NPTXR: variants seen among roughly 807,000 people sequenced by gnomAD.
The protein encoded by NPTXR is neuronal pentraxin receptor.
NPTXR carries 12 observed loss-of-function variants against 32.2 expected under a neutral mutation model. The observed-to-expected ratio is 0.37, with a 90% confidence interval of 0.24 to 0.60. NPTXR has a LOEUF of 0.60. Ranked by LOEUF, NPTXR falls within the 20% of genes least tolerant of loss-of-function variation. NPTXR has a pLI of 0.66. For missense variants in NPTXR, 612 were observed against 682.9 expected, an observed-to-expected ratio of 0.90 and a Z score of 1.16; for synonymous variants, 323 against 315.8, an observed-to-expected ratio of 1.02 and a Z score of -0.24.
At position 38,821,689 on chromosome 22, in the gene NPTXR, ACC is replaced by A. The variant is rs2093097370; in HGVS notation, c.*918_*919del. The A allele has an allele frequency of 6.5e-6, 1 of 152,788 alleles. No homozygotes were observed. The highest frequency in any genetic ancestry group is 2.4e-5 in the African/African-American group (1 of 41,396). The allele number at this position is 152,788 out of a possible 1,614,324, so 9.5% of individuals were successfully genotyped here. The stretch of plus-strand genomic sequence containing the variant: ...TGCTCACTGCTTCATGCTTCTCCCC[ACC>A]CTCTGAGCTTCTTCCTTGCTGCCCC... On this transcript the variant is annotated 3_prime_UTR_variant, in exon 5 of 5. Coordinates refer to ENST00000333039, the MANE Select transcript of NPTXR (RefSeq NM_014293.4).
At chr22:38,822,956 C>A in intron 4 of NPTXR, 123 bp from the exon 5 acceptor site, 2 of 1,437,340 alleles carry the variant, frequency 1.4e-6, no homozygotes, top group Non-Finnish European at 1.9e-6. Flanking sequence ...ACTGAAGCCC[C>A]ACCGCCAACG....
chr22:38,834,089 G>A lies in NPTXR; in HGVS notation c.625-5577C>T, dbSNP rs960358573. 1.4e-5 allele frequency among the ~76,000 whole-genome samples: 2 copies of A among 140,496 alleles called. No homozygotes were observed. The highest frequency in any genetic ancestry group is 3.1e-5 in the Non-Finnish European group (2 of 65,220). 92.2% of individuals were successfully genotyped at this position (140,496 alleles called of 152,430 possible). On this transcript the variant is annotated intron_variant, in intron 1 of 4. Coordinates refer to ENST00000333039, the MANE Select transcript of NPTXR (RefSeq NM_014293.4). The surrounding 1 kb of genome is among the most constrained non-coding windows in gnomAD (Gnocchi z 4.4). ...TGAATCTAACCCTGCTTCTTACCCA[G>A]AGCTTCATGAAGTGGTGTCTCTAAT...
At chr22:38,835,016 C>T (rs923264394) in intron 1 of NPTXR, among the ~76,000 whole-genome samples, 9 of 152,216 alleles carry the variant, frequency 5.9e-5, no homozygotes, top group Non-Finnish European at 1.3e-4. Flanking sequence ...CTGAAACTTT[C>T]TGAGCCTCAG....
intron 1 of NPTXR, among the ~76,000 whole-genome samples, chr22:38,830,077 G>A (rs2093113801): frequency 6.6e-6 from 1 of 152,202 alleles, no homozygotes; most frequent in Non-Finnish European, 1.5e-5. Flanking sequence ...AGTGCTGGGG[G>A]CAAAGGACCA....
Position 38,822,789 on chromosome 22 carries a change from AC to A in NPTXR, c.1322del (p.Gly441ValfsTer13). ...CCCACAGGTTAAACTGGGCAATGTC[AC>A]CGACAAAGGCCTGGGTGGCATCAAA... is the stretch of plus-strand genomic sequence containing the variant. On this transcript the variant is annotated frameshift_variant, in exon 5 of 5. Coordinates refer to ENST00000333039, the MANE Select transcript of NPTXR (RefSeq NM_014293.4). LOFTEE classifies it low-confidence loss of function (END_TRUNC). The A allele has an allele frequency of 6.2e-7, 1 of 1,614,156 alleles. No homozygotes were observed. The highest frequency in any genetic ancestry group is 8.5e-7 in the Non-Finnish European group (1 of 1,180,012).
rs1055016208 is a variant in NPTXR at position 38,822,420 on chromosome 22, G to A, written c.*189C>T. The A allele has an allele frequency of 1.7e-5, 10 of 603,186 alleles. No individual in the cohort carries two copies. The highest frequency in any genetic ancestry group is 1.3e-4 in the African/African-American group (7 of 54,058). 37.4% of individuals were successfully genotyped at this position (603,186 alleles called of 1,614,324 possible). A position where few individuals can be genotyped will look rare whatever the true frequency, so the allele number is the denominator to read the frequency against. ...TTGAGACGCTCCTCCCCACTCAGGTGGGGACAGGGGACACACTCGCAGGGC... is the reference window on the plus strand; with the variant it reads ...TTGAGACGCTCCTCCCCACTCAGGTAGGGACAGGGGACACACTCGCAGGGC... On this transcript the variant is annotated 3_prime_UTR_variant, in exon 5 of 5. Transcript: ENST00000333039.
rs1291434740 is a variant in NPTXR, at chr22:38,823,125, G to T, written c.1236C>A (p.His412Gln). The change falls in exon 4 of 5, where the codon CAC becomes CAA. Residue 412 changes from histidine (H) to glutamine (Q), a missense_variant. Transcript: ENST00000333039. ...TAAGGATCCCATGAGGCTTGATGGGGTGCCAGGCAGCCAGGTTCTCACCGG... is the reference window on the plus strand; with the variant it reads ...TAAGGATCCCATGAGGCTTGATGGGTTGCCAGGCAGCCAGGTTCTCACCGG... 1 of 1,614,180 alleles carries T rather than the reference G, an allele frequency of 6.2e-7. No homozygotes were observed. Among genetic ancestry groups the T allele is most frequent in the South Asian group, 1.1e-5 (1 of 91,088 alleles).
rs2093110884 is a variant in NPTXR, at chr22:38,828,401, C to T, written c.736G>A (p.Val246Met). 1.2e-6 allele frequency: 2 copies of T among 1,612,648 alleles called. No individual in the cohort carries two copies. Among genetic ancestry groups the T allele is most frequent in the South Asian group, 1.1e-5 (1 of 91,080 alleles). ...ACACGCTCCTTCTCCAGTGCCAGCA[C>T]CTGGGCCAGCAGCTGCCCCTCCAGC... The change falls in exon 2 of 5, where the codon GTG (valine) becomes ATG (methionine). Residue 246 changes from valine to methionine, a missense_variant. By Grantham distance (21) the Val-to-Met change is conservative (BLOSUM62 1). Coordinates refer to ENST00000333039, the MANE Select transcript of NPTXR (RefSeq NM_014293.4).
chr22:38,842,834 G>A (rs1466756208), intron 1 of NPTXR, among the ~76,000 whole-genome samples: 1 of 152,184 alleles, frequency 6.6e-6, no homozygotes, highest in Non-Finnish European at 1.5e-5. Flanking sequence ...CGTGGAGCTG[G>A]GCTGATTTGG....
At chr22:38,836,417 G>A (rs1478048783) in intron 1 of NPTXR, among the ~76,000 whole-genome samples, 2 of 152,210 alleles carry the variant, frequency 1.3e-5, no homozygotes, top group East Asian at 3.8e-4. Flanking sequence ...AACACCACAC[G>A]GCAATGAAAA....
At position 38,843,132 on chromosome 22, in the gene NPTXR, G is replaced by C. The variant is rs559292162; in HGVS notation, c.624+103C>G. On this transcript the variant is annotated intron_variant, in intron 1 of 4. Transcript: ENST00000333039. This position sits in a 1 kb window ranked among gnomAD's most constrained non-coding sequence, Gnocchi z 5.3. The stretch of plus-strand genomic sequence containing the variant: ...AGCGAGGAAGGCGCGATCGTCCCCG[G>C]AACACAGACGGGAGACCGGAGGCTC... 5.1e-5 allele frequency: 57 copies of C among 1,125,302 alleles called. 1 individual carries two copies. In the African/African-American group the frequency reaches 8.4e-4, roughly 17 times the overall value. 69.7% of individuals were successfully genotyped at this position (1,125,302 alleles called of 1,614,324 possible).
rs974439722 is a variant in NPTXR, at chr22:38,843,027, C to A, written c.624+208G>T. Among the ~76,000 whole-genome samples the A allele has an allele frequency of 9.9e-5, 15 of 152,222 alleles. No homozygotes were observed. Among genetic ancestry groups the A allele is most frequent in the African/African-American group, 2.7e-4 (11 of 41,460 alleles). Reference sequence around the variant, plus strand: ...AGACGGAAAAGGGTGGGGAGCGAATCTTTCTGGCGCGCCCTCTGTGCCTCA... The same window carrying A: ...AGACGGAAAAGGGTGGGGAGCGAATATTTCTGGCGCGCCCTCTGTGCCTCA... On this transcript the variant is annotated intron_variant, in intron 1 of 4. Transcript: ENST00000333039. This position sits in a 1 kb window ranked among gnomAD's most constrained non-coding sequence, Gnocchi z 5.3.
At chr22:38,825,816 T>C (rs1167849336) in intron 3 of NPTXR, among the ~76,000 whole-genome samples, 1 of 149,752 alleles carries the variant, frequency 6.7e-6, no homozygotes, top group Non-Finnish European at 1.5e-5. Flanking sequence ...CAGGTAGGTC[T>C]GTGCACCTCC....
In NPTXR at chr22:38,843,520, C is replaced by T. The variant is rs1307384647; in HGVS notation, c.339G>A (p.Ala113=). The stretch of plus-strand genomic sequence containing the variant: ...CTTCGCGCTCGCCCGGCGCAGCGCC[C>T]GCCGCGTCCCCCTGCTGGGCCCCCG... Residue 113 remains alanine, a synonymous_variant, in exon 1 of 5, where the codon GCG becomes GCA. Coordinates refer to ENST00000333039, the MANE Select transcript of NPTXR (RefSeq NM_014293.4). The surrounding 1 kb of genome is among the most constrained non-coding windows in gnomAD (Gnocchi z 5.3). 2 of 1,269,948 alleles carry T rather than the reference C, an allele frequency of 1.6e-6. No individual in the cohort carries two copies. Among genetic ancestry groups the T allele is most frequent in the Non-Finnish European group, 2.0e-6 (2 of 1,009,332 alleles). The allele number at this position is 1,269,948 out of a possible 1,614,324, so 78.7% of individuals were successfully genotyped here.
rs1447226367 is a variant in NPTXR, at chr22:38,821,670, C to G, written c.*939G>C. 6.5e-6 allele frequency: 1 copy of G among 153,068 alleles called. No individual in the cohort carries two copies. Among genetic ancestry groups the G allele is most frequent in the Non-Finnish European group, 1.5e-5 (1 of 68,700 alleles). The allele number at this position is 153,068 out of a possible 1,614,324, so 9.5% of individuals were successfully genotyped here. On this transcript the variant is annotated 3_prime_UTR_variant, in exon 5 of 5. Transcript: ENST00000333039. ...TCCCTCTCACCCAGTGCTCTGCTCA[C>G]TGCTTCATGCTTCTCCCCACCCTCT...
chr22:38,822,356 T>G lies in NPTXR; in HGVS notation c.*253A>C. 1.8e-6 allele frequency: 1 copy of G among 541,204 alleles called. No homozygotes were observed. Among genetic ancestry groups the G allele is most frequent in the Non-Finnish European group, 3.4e-6 (1 of 297,632 alleles). 33.5% of individuals were successfully genotyped at this position (541,204 alleles called of 1,614,324 possible). A position where few individuals can be genotyped will look rare whatever the true frequency, so the allele number is the denominator to read the frequency against. On this transcript the variant is annotated 3_prime_UTR_variant, in exon 5 of 5. Transcript: ENST00000333039. ...CAGGGAGGGTGGGGTAAGAGACAAC[T>G]CCAGTGCAGTGCCAGGTGGGCAGGC...
chr22:38,824,164 A>G (rs1012031786), intron 3 of NPTXR, among the ~76,000 whole-genome samples: 6 of 91,194 alleles, frequency 6.6e-5, no homozygotes, highest in Non-Finnish European at 1.2e-4. Context: ...TTTTTTTTGT[A>G]TTTTTAGTAG....
At chr22:38,842,577 G>A (rs1438618991) in intron 1 of NPTXR, among the ~76,000 whole-genome samples, 2 of 152,176 alleles carry the variant, frequency 1.3e-5, no homozygotes, top group Non-Finnish European at 1.5e-5. Context: ...AGCTCGGGGG[G>A]CCCTGTTCTC....
Position 38,821,997 on chromosome 22 carries a change from A to T in NPTXR, c.*612T>A, listed in dbSNP as rs1300546816. ...TGAGGTGGGGCTGGGCCAGGCATGG[A>T]ACCAACATTCAAACCGCTACACACA... On this transcript the variant is annotated 3_prime_UTR_variant, in exon 5 of 5. Transcript: ENST00000333039. 6.9e-6 allele frequency: 1 copy of T among 145,852 alleles called. No homozygotes were observed. The highest frequency in any genetic ancestry group is 2.6e-5 in the African/African-American group (1 of 38,018). The allele number at this position is 145,852 out of a possible 1,614,324, so 9.0% of individuals were successfully genotyped here.
Sources: allele counts gnomAD v4.1 joint callset (sites outside exome capture counted in the v4.1 genomes callset), GRCh38; gene constraint gnomAD v4.1.1; non-coding constraint Gnocchi (gnomAD v3.1); transcripts MANE v1.5; gene names NCBI Gene and HGNC (gene_info 2026-07-23, HGNC 2026-07-21).